Variants in SNTG1 observed in about 807,000 individuals in gnomAD.
SNTG1 encodes the protein syntrophin gamma 1.
SNTG1 carries 39 observed loss-of-function variants against 74.7 expected under a neutral mutation model. That is an observed-to-expected ratio of 0.52 (90% CI 0.40 to 0.68). The LOEUF (loss-of-function observed/expected upper bound fraction) is 0.68, where lower values mean the gene tolerates loss of function less well. Among genes scored for constraint, SNTG1 ranks in the 30% least tolerant of loss-of-function variants. The pLI, the probability that SNTG1 is intolerant of heterozygous loss-of-function variation, is 0.00. For synonymous variants in SNTG1, 254 were observed against 217.1 expected (o/e 1.17, Z -1.49); for missense variants, 685 against 609.5 (o/e 1.12, Z -1.30).
chr8:50,594,933 T>G (rs2094716609), intron 13 of SNTG1, among the ~76,000 whole-genome samples: 1 of 151,814 alleles, frequency 6.6e-6, no homozygotes, highest in Admixed American at 6.6e-5. Context: ...TGGCAATATG[T>G]TGGCTTACAT....
chr8:49,922,993 G>A (rs1806690659), intron 1 of SNTG1, among the ~76,000 whole-genome samples: 1 of 151,958 alleles, frequency 6.6e-6, no homozygotes, highest in Non-Finnish European at 1.5e-5. Flanking sequence ...TTCCTGCTGT[G>A]GTAGATATTC....
chr8:50,344,301 GAGA>G (rs1231481381), intron 2 of SNTG1, among the ~76,000 whole-genome samples: 2 of 152,244 alleles, frequency 1.3e-5, no homozygotes, highest in South Asian at 2.1e-4. Flanking sequence ...TTAAAACAAC[GAGA>G]AGATTTATTT....
chr8:50,553,321 T>C, intron 12 of SNTG1, 142 bp downstream of exon 12: 1 of 1,137,184 alleles, frequency 8.8e-7, no homozygotes, highest in East Asian at 2.6e-5. Context: ...ATACTTATTG[T>C]AAGAAAACTG....
At chr8:50,094,920 A>C (rs192346919) in intron 1 of SNTG1, among the ~76,000 whole-genome samples, 1 of 152,198 alleles carries the variant, frequency 6.6e-6, no homozygotes, top group Non-Finnish European at 1.5e-5. Flanking sequence ...CTGCCCATCA[A>C]TGGTAAACTG....
chr8:50,016,742 TAA>T lies in SNTG1; in HGVS notation c.-103+104512_-103+104513del, dbSNP rs538844088. Among the ~76,000 whole-genome samples, 223 of 152,250 alleles carry T rather than the reference TAA, an allele frequency of 1.5e-3. 3 individuals are homozygous for T. Among genetic ancestry groups the T allele is most frequent in the South Asian group, 7.7e-3 (37 of 4,828 alleles). On this transcript the variant is annotated intron_variant, in intron 1 of 18. Coordinates refer to ENST00000642720, the MANE Select transcript of SNTG1 (RefSeq NM_018967.5). The stretch of plus-strand genomic sequence containing the variant: ...TAAACATAAAATAAACAGAAAGTAA[TAA>T]GTCATTAGCAAAATAACATAAAGTG...
rs551303131 is a variant in SNTG1 at position 50,793,701 on chromosome 8, A to G, written c.*872A>G. 12 of 152,062 alleles carry G rather than the reference A, an allele frequency of 7.9e-5. No individual in the cohort carries two copies. The South Asian group carries it at 2.5e-3, about 31-fold the overall frequency. 9.4% of individuals were successfully genotyped at this position (152,062 alleles called of 1,614,324 possible). A position where few individuals can be genotyped will look rare whatever the true frequency, so the allele number is the denominator to read the frequency against. ...TGAACCCAAAACCTTTTGTAGAGAAAATAATATAAACAAATATGGTGTGAG... is the reference window on the plus strand; with the variant it reads ...TGAACCCAAAACCTTTTGTAGAGAAGATAATATAAACAAATATGGTGTGAG... On this transcript the variant is annotated 3_prime_UTR_variant, in exon 19 of 19. Coordinates refer to ENST00000642720, the MANE Select transcript of SNTG1 (RefSeq NM_018967.5).
chr8:50,396,068 G>C (rs2092725106), intron 3 of SNTG1, among the ~76,000 whole-genome samples: 1 of 152,140 alleles, frequency 6.6e-6, no homozygotes, highest in Non-Finnish European at 1.5e-5. Context: ...AAATTGTTTT[G>C]ATGTACTAAT....
intron 1 of SNTG1, among the ~76,000 whole-genome samples, chr8:50,039,486 CAAGTT>C (rs1291837432): frequency 2.4e-5 from 3 of 126,172 alleles, no homozygotes; most frequent in Non-Finnish European, 3.3e-5. Context: ...AAAAAAAACT[CAAGTT>C]AATTCCTAGG....
chr8:50,618,257 C>T (rs6998737), intron 13 of SNTG1, among the ~76,000 whole-genome samples: 2 of 151,992 alleles, frequency 1.3e-5, no homozygotes, highest in African/African-American at 4.8e-5. Flanking sequence ...GTAACTGTTC[C>T]TTTGTTCTCC....
intron 9 of SNTG1, 116 bp downstream of exon 9, chr8:50,502,996 C>A: frequency 1.3e-6 from 1 of 752,300 alleles, no homozygotes; most frequent in South Asian, 2.1e-5. Flanking sequence ...TGACTGTAAA[C>A]ATTTTTATAT....
intron 12 of SNTG1, among the ~76,000 whole-genome samples, chr8:50,564,781 A>G (rs2094506783): frequency 6.6e-6 from 1 of 152,134 alleles, no homozygotes; most frequent in Non-Finnish European, 1.5e-5. Flanking sequence ...CTTTGAAAAT[A>G]ATGCCATACA....
chr8:50,428,108 G>T (rs2093186606), intron 4 of SNTG1, among the ~76,000 whole-genome samples: 1 of 152,144 alleles, frequency 6.6e-6, no homozygotes, highest in Non-Finnish European at 1.5e-5. Context: ...GAGGCCAGGA[G>T]TTGGAGACCA....
intron 9 of SNTG1, among the ~76,000 whole-genome samples, chr8:50,527,915 T>C (rs1227204490): frequency 2.0e-5 from 3 of 152,026 alleles, no homozygotes; most frequent in Non-Finnish European, 4.4e-5. Context: ...GCATTTTATG[T>C]TTTAATTTTA....
chr8:50,275,064 G>A (rs905225740), intron 2 of SNTG1, among the ~76,000 whole-genome samples: 4 of 151,852 alleles, frequency 2.6e-5, no homozygotes, highest in African/African-American at 9.7e-5. Flanking sequence ...TTGGCATTAC[G>A]GTAATGCTGG....
At chr8:49,953,201 C>T (rs1289932063) in intron 1 of SNTG1, among the ~76,000 whole-genome samples, 1 of 152,180 alleles carries the variant, frequency 6.6e-6, no homozygotes, top group South Asian at 2.1e-4. Flanking sequence ...GAGAAACCAG[C>T]AGAATAGACT....
At chr8:50,190,934 G>T (rs1194940594) in intron 2 of SNTG1, among the ~76,000 whole-genome samples, 1 of 152,068 alleles carries the variant, frequency 6.6e-6, no homozygotes, top group Non-Finnish European at 1.5e-5. Flanking sequence ...AGATAGAATG[G>T]TGCAATTATG....
intron 1 of SNTG1, among the ~76,000 whole-genome samples, chr8:50,080,167 A>G (rs1028177982): frequency 1.2e-4 from 19 of 152,038 alleles, no homozygotes; most frequent in African/African-American, 4.6e-4. Flanking sequence ...GTTCCATACT[A>G]TTTTCTATGT....
rs1339876079 is a variant in SNTG1 at position 50,121,452 on chromosome 8, C to A, written c.-102-51109C>A. Among the ~76,000 whole-genome samples the A allele has an allele frequency of 2.8e-5, 4 of 140,552 alleles. 1 individual carries two copies. The highest frequency in any genetic ancestry group is 6.3e-5 in the Non-Finnish European group (4 of 63,354). The allele number at this position is 140,552 out of a possible 152,430, so 92.2% of individuals were successfully genotyped here. A position where few individuals can be genotyped will look rare whatever the true frequency, so the allele number is the denominator to read the frequency against. On this transcript the variant is annotated intron_variant, in intron 1 of 18. Coordinates refer to ENST00000642720, the MANE Select transcript of SNTG1 (RefSeq NM_018967.5). Reference sequence around the variant, plus strand: ...ATCAGTGCATACAAAATTTTATGTACAAAAATAAAAATAATGTTACAGGTA... The same window carrying A: ...ATCAGTGCATACAAAATTTTATGTAAAAAAATAAAAATAATGTTACAGGTA...
chr8:50,556,085 A>G (rs926753982), intron 12 of SNTG1, among the ~76,000 whole-genome samples: 4 of 152,194 alleles, frequency 2.6e-5, no homozygotes, highest in African/African-American at 9.7e-5. Flanking sequence ...ATAATTGATC[A>G]TAATGGCTAA....
Sources: gnomAD v4.1 joint callset for allele counts (sites outside exome capture counted in the v4.1 genomes callset) on GRCh38, gnomAD v4.1.1 for gene constraint, MANE v1.5 for transcripts, NCBI Gene and HGNC (gene_info 2026-07-23, HGNC 2026-07-21) for gene names.